ELAVL4: variants seen among roughly 807,000 people sequenced by gnomAD.
ELAVL4 encodes ELAV like RNA binding protein 4.
A neutral mutation model predicts 35.6 loss-of-function variants in ELAVL4; 1 was observed. The ratio of observed to expected loss-of-function variants is 0.03; its 90% CI spans 0.01 to 0.13. The LOEUF (loss-of-function observed/expected upper bound fraction) is 0.13, where lower values mean the gene tolerates loss of function less well. ELAVL4 is among the 10% of genes least tolerant of loss of function. The pLI is 1.00. For missense variants in ELAVL4, 267 were observed against 464.9 expected, an observed-to-expected ratio of 0.57 and a Z score of 3.91; for synonymous variants, 156 against 171.0, an observed-to-expected ratio of 0.91 and a Z score of 0.69.
rs532410524 is a variant in ELAVL4 at position 50,083,677 on chromosome 1, CA to C, written c.18+35496del. Among the ~76,000 whole-genome samples, 25 of 152,246 alleles carry C rather than the reference CA, an allele frequency of 1.6e-4. No homozygotes were observed. The South Asian group carries it at 5.2e-3, about 32-fold the overall frequency. On this transcript the variant is annotated intron_variant, in intron 1 of 6. Transcript: ENST00000448907. ...CAAAAAAGTAAGTTAGCAAATCAAGCATTTCTCCAGGGCACAGCTGCTATTT... is the reference window on the plus strand; with the variant it reads ...CAAAAAAGTAAGTTAGCAAATCAAGCTTTCTCCAGGGCACAGCTGCTATTT...
chr1:50,143,507 C>T (rs1210001372), intron 1 of ELAVL4, among the ~76,000 whole-genome samples: 1 of 152,180 alleles, frequency 6.6e-6, no homozygotes, highest in Non-Finnish European at 1.5e-5. Flanking sequence ...TGGTGCTTTA[C>T]ATAAGTCATA....
intron 1 of ELAVL4, among the ~76,000 whole-genome samples, chr1:50,056,461 C>T (rs1275707729): frequency 1.3e-5 from 2 of 152,106 alleles, no homozygotes; most frequent in Non-Finnish European, 2.9e-5. Flanking sequence ...ATTGTAACAT[C>T]GTAGCATAAT....
intron 2 of ELAVL4, among the ~76,000 whole-genome samples, chr1:50,173,085 G>T (rs1319108145): frequency 6.6e-6 from 1 of 152,070 alleles, no homozygotes; most frequent in African/African-American, 2.4e-5. Context: ...TGGAGGACTG[G>T]TACAAATGCA....
At chr1:50,182,220 A>G (rs1237975148) in intron 3 of ELAVL4, among the ~76,000 whole-genome samples, 1 of 152,258 alleles carries the variant, frequency 6.6e-6, no homozygotes, top group Non-Finnish European at 1.5e-5. Context: ...TTAATCAGGA[A>G]CAAAGAAAAT....
chr1:50,113,095 T>TTA (rs955061783), intron 1 of ELAVL4, among the ~76,000 whole-genome samples: 2 of 152,118 alleles, frequency 1.3e-5, no homozygotes, highest in South Asian at 4.1e-4. Context: ...CATCTAGAAA[T>TTA]TATTGTTTGA....
intron 1 of ELAVL4, among the ~76,000 whole-genome samples, chr1:50,140,273 A>C (rs2148671693): frequency 6.6e-6 from 1 of 152,322 alleles, no homozygotes; most frequent in Non-Finnish European, 1.5e-5. Context: ...TTTGCAATGA[A>C]AATTGTGCTG....
At chr1:50,165,534 CCT>C (rs1360263338) in intron 2 of ELAVL4, among the ~76,000 whole-genome samples, 2 of 147,672 alleles carry the variant, frequency 1.4e-5, no homozygotes, top group Admixed American at 6.8e-5. Flanking sequence ...TATACATATA[CCT>C]ATATGTATAT....
chr1:50,133,604 AAAGAAAGAAAG>A (rs1671280961), intron 1 of ELAVL4, among the ~76,000 whole-genome samples: 8 of 94,126 alleles, frequency 8.5e-5, no homozygotes, highest in African/African-American at 2.8e-4. Flanking sequence ...GAAAGAAAAG[AAAGAAAGAAAG>A]AAAGAAAGAA....
chr1:50,108,569 C>T (rs1041861633), upstream of ELAVL4, among the ~76,000 whole-genome samples: 2 of 152,056 alleles, frequency 1.3e-5, no homozygotes, highest in Non-Finnish European at 2.9e-5. Flanking sequence ...TGGCACGGTT[C>T]GGCCCTCAGG....
chr1:50,067,029 T>TA (rs1249822186), intron 1 of ELAVL4, among the ~76,000 whole-genome samples: 1 of 152,024 alleles, frequency 6.6e-6, no homozygotes, highest in African/African-American at 2.4e-5. Context: ...CTGGTAAAAA[T>TA]AGCTTGTACC....
chr1:50,111,884 A>G (rs927731193), intron 1 of ELAVL4, among the ~76,000 whole-genome samples: 4 of 152,158 alleles, frequency 2.6e-5, no homozygotes, highest in African/African-American at 7.2e-5. Flanking sequence ...AACAGGAGAT[A>G]GCGTAAAAAC....
At chr1:50,145,555 C>G (rs1368241257) in intron 2 of ELAVL4, among the ~76,000 whole-genome samples, 1 of 152,180 alleles carries the variant, frequency 6.6e-6, no homozygotes, top group African/African-American at 2.4e-5. Context: ...CTCCTCCTCT[C>G]AATATTTGCT....
At chr1:50,049,333 C>T (rs1284519124) in intron 1 of ELAVL4, among the ~76,000 whole-genome samples, 2 of 152,186 alleles carry the variant, frequency 1.3e-5, no homozygotes, top group East Asian at 1.9e-4. Context: ...CAAATTGACA[C>T]TGAACAAGCT....
At chr1:50,147,151 A>G (rs1673868152) in intron 2 of ELAVL4, among the ~76,000 whole-genome samples, 1 of 152,164 alleles carries the variant, frequency 6.6e-6, no homozygotes, top group African/African-American at 2.4e-5. Context: ...CAGAAATACA[A>G]TTCAGGCATA....
intron 1 of ELAVL4, among the ~76,000 whole-genome samples, chr1:50,057,896 A>G (rs895390712): frequency 1.3e-5 from 2 of 152,234 alleles, no homozygotes; most frequent in Non-Finnish European, 2.9e-5. Context: ...TTTTGTATAC[A>G]TGGGACAATC....
At chr1:50,066,044 G>C (rs1256441223) in intron 1 of ELAVL4, among the ~76,000 whole-genome samples, 3 of 152,200 alleles carry the variant, frequency 2.0e-5, no homozygotes, top group Non-Finnish European at 2.9e-5. Flanking sequence ...AGATACAGGA[G>C]TGGGGAAAGA....
chr1:50,155,012 G>A (rs1012134242), intron 2 of ELAVL4, among the ~76,000 whole-genome samples: 9 of 151,902 alleles, frequency 5.9e-5, no homozygotes, highest in Admixed American at 5.2e-4. Flanking sequence ...CACCTAGTTT[G>A]AGTTTTCTTT....
chr1:50,090,878 C>T (rs953012391), intron 1 of ELAVL4, among the ~76,000 whole-genome samples: 4 of 152,192 alleles, frequency 2.6e-5, no homozygotes, highest in Non-Finnish European at 5.9e-5. Context: ...TGGGTGGACA[C>T]TTGGCAGTCC....
chr1:50,089,070 T>C (rs973049415), intron 1 of ELAVL4, among the ~76,000 whole-genome samples: 11 of 152,162 alleles, frequency 7.2e-5, no homozygotes, highest in African/African-American at 2.7e-4. Context: ...CACCTGAAAG[T>C]GAATGAGCTC....
Sources: gnomAD v4.1 joint callset for allele counts (sites outside exome capture counted in the v4.1 genomes callset) on GRCh38, gnomAD v4.1.1 for gene constraint, MANE v1.5 for transcripts, NCBI Gene and HGNC (gene_info 2026-07-23, HGNC 2026-07-21) for gene names.